Variants in CNTNAP2 observed in about 807,000 individuals in gnomAD.
CNTNAP2 encodes the protein contactin-associated protein-like 2.
In CNTNAP2, 98 loss-of-function variants were observed where a neutral mutation model predicts 155.2. The ratio of observed to expected loss-of-function variants is 0.63; its 90% CI spans 0.54 to 0.75. The LOEUF is 0.75. Among genes scored for constraint, CNTNAP2 ranks in the 30% least tolerant of loss-of-function variants. The pLI, the probability that CNTNAP2 is intolerant of heterozygous loss-of-function variation, is 0.00. For synonymous variants in CNTNAP2, 651 were observed against 631.2 expected (o/e 1.03, Z -0.47); for missense variants, 1,727 against 1,688.1 (o/e 1.02, Z -0.40).
intron 1 of CNTNAP2, among the ~76,000 whole-genome samples, chr7:146,453,562 A>G (rs972668222): frequency 6.6e-6 from 1 of 152,206 alleles, no homozygotes; most frequent in Non-Finnish European, 1.5e-5. Context: ...TAAGCAGGAA[A>G]ATATAACCTA....
chr7:147,378,691 A>G (rs1563181891), intron 9 of CNTNAP2, among the ~76,000 whole-genome samples: 1 of 152,112 alleles, frequency 6.6e-6, no homozygotes, highest in Non-Finnish European at 1.5e-5. Flanking sequence ...AATGTTTGAT[A>G]GTACAACAAG....
At chr7:147,851,684 C>T (rs909587374) in intron 13 of CNTNAP2, among the ~76,000 whole-genome samples, 1 of 149,226 alleles carries the variant, frequency 6.7e-6, no homozygotes. Flanking sequence ...ACCACGTGTT[C>T]TCACTCATAG....
At chr7:146,190,374 C>G (rs776156611) in intron 1 of CNTNAP2, among the ~76,000 whole-genome samples, 1 of 152,094 alleles carries the variant, frequency 6.6e-6, no homozygotes, top group South Asian at 2.1e-4. Context: ...TGTTGAAGTA[C>G]GATAAAGGAT....
chr7:148,246,001 G>C (rs1434910977), intron 20 of CNTNAP2, among the ~76,000 whole-genome samples: 1 of 152,210 alleles, frequency 6.6e-6, no homozygotes, highest in Non-Finnish European at 1.5e-5. Context: ...CCAGGGAACA[G>C]AGCATTGCTG....
chr7:147,138,116 G>T (rs1372117793), intron 8 of CNTNAP2, among the ~76,000 whole-genome samples: 1 of 151,828 alleles, frequency 6.6e-6, no homozygotes, highest in Non-Finnish European at 1.5e-5. Context: ...TGATGGGCTT[G>T]TAGATATCTA....
At chr7:146,661,034 C>A (rs1383026793) in intron 1 of CNTNAP2, among the ~76,000 whole-genome samples, 2 of 152,152 alleles carry the variant, frequency 1.3e-5, no homozygotes, top group Non-Finnish European at 2.9e-5. Flanking sequence ...CCAAAAGATT[C>A]AGCAGCTCTG....
chr7:147,357,044 A>G (rs1314119292), intron 9 of CNTNAP2, among the ~76,000 whole-genome samples: 1 of 152,088 alleles, frequency 6.6e-6, no homozygotes, highest in African/African-American at 2.4e-5. Context: ...TCTGATTGTA[A>G]CATAGTCATC....
intron 1 of CNTNAP2, among the ~76,000 whole-genome samples, chr7:146,551,327 C>G (rs1476357503): frequency 6.6e-6 from 1 of 152,002 alleles, no homozygotes; most frequent in African/African-American, 2.4e-5. Context: ...TGTGATGTTC[C>G]CCTTCCTGTG....
At chr7:146,721,997 T>C (rs1801345053) in intron 1 of CNTNAP2, among the ~76,000 whole-genome samples, 1 of 148,816 alleles carries the variant, frequency 6.7e-6, no homozygotes, top group African/African-American at 2.5e-5. Flanking sequence ...CAAGCAATTC[T>C]CCTGTCTCAG....
intron 3 of CNTNAP2, among the ~76,000 whole-genome samples, chr7:146,968,542 G>A (rs1211732042): frequency 2.0e-5 from 3 of 151,908 alleles, no homozygotes; most frequent in African/African-American, 7.3e-5. Flanking sequence ...GTCTTGGGAG[G>A]GTGTATGTGT....
intron 13 of CNTNAP2, among the ~76,000 whole-genome samples, chr7:147,887,932 A>G (rs1473757864): frequency 3.3e-5 from 5 of 152,222 alleles, no homozygotes; most frequent in Admixed American, 6.5e-5. Flanking sequence ...GAATGGTTGG[A>G]GAAAACTCAA....
At chr7:146,197,149 A>C (rs1190848702) in intron 1 of CNTNAP2, among the ~76,000 whole-genome samples, 1 of 152,196 alleles carries the variant, frequency 6.6e-6, no homozygotes, top group Non-Finnish European at 1.5e-5. Context: ...GTATGATAGC[A>C]TAAACTAGCA....
chr7:147,321,881 C>A (rs1795357959), intron 9 of CNTNAP2, among the ~76,000 whole-genome samples: 1 of 152,182 alleles, frequency 6.6e-6, no homozygotes, highest in South Asian at 2.1e-4. Flanking sequence ...ATGTATAGTA[C>A]AAACTATGGT....
intron 3 of CNTNAP2, among the ~76,000 whole-genome samples, chr7:146,890,052 G>A (rs1398130167): frequency 6.6e-6 from 1 of 152,108 alleles, no homozygotes; most frequent in Non-Finnish European, 1.5e-5. Flanking sequence ...GCCAGCAACT[G>A]AGACAGAGAT....
chr7:147,132,857 G>T (rs1049031802), intron 8 of CNTNAP2, among the ~76,000 whole-genome samples: 6 of 151,984 alleles, frequency 3.9e-5, no homozygotes, highest in Non-Finnish European at 8.8e-5. Context: ...ATTGTATCTG[G>T]TATCTTTTCT....
intron 8 of CNTNAP2, among the ~76,000 whole-genome samples, chr7:147,184,909 A>C (rs1802532604): frequency 6.6e-6 from 1 of 152,198 alleles, no homozygotes; most frequent in Non-Finnish European, 1.5e-5. Context: ...ATCTACTACA[A>C]ATCAAAGCTA....
chr7:147,167,540 T>G, intron 8 of CNTNAP2: 1 of 814,378 alleles, frequency 1.2e-6, no homozygotes, highest in Non-Finnish European at 2.0e-6. Flanking sequence ...TAGAGGTTCT[T>G]CAGACAACTG....
chr7:147,393,430 T>G (rs1009643094), intron 9 of CNTNAP2, among the ~76,000 whole-genome samples: 22 of 151,086 alleles, frequency 1.5e-4, no homozygotes, highest in African/African-American at 5.4e-4. Flanking sequence ...ATACATCCAT[T>G]CATTTTGAAA....
At chr7:147,138,956 T>C (rs1307861302) in intron 8 of CNTNAP2, among the ~76,000 whole-genome samples, 5 of 151,878 alleles carry the variant, frequency 3.3e-5, no homozygotes, top group Admixed American at 6.6e-5. Flanking sequence ...CAGTTTACTG[T>C]ACAAATAAAT....
Sources: allele counts gnomAD v4.1 joint callset (sites outside exome capture counted in the v4.1 genomes callset), GRCh38; gene constraint gnomAD v4.1.1; transcripts MANE v1.5; gene names NCBI Gene and HGNC (gene_info 2026-07-23, HGNC 2026-07-21).